Variants in BACH2 observed in about 807,000 individuals in gnomAD.
BACH2 encodes transcription regulator protein BACH2.
A neutral mutation model predicts 61.8 loss-of-function variants in BACH2; 5 were observed. The observed-to-expected ratio is 0.08, with a 90% confidence interval of 0.04 to 0.17. The LOEUF is 0.17. BACH2 is among the 10% of genes least tolerant of loss of function. The probability of loss-of-function intolerance (pLI) is 1.00; values close to 1 mark genes in which losing one functional copy is unlikely to be tolerated. For missense variants in BACH2, 824 were observed against 1,091.1 expected, an observed-to-expected ratio of 0.76 and a Z score of 3.45; for synonymous variants, 446 against 440.1, an observed-to-expected ratio of 1.01 and a Z score of -0.17.
intron 5 of BACH2, among the ~76,000 whole-genome samples, chr6:90,056,173 T>A (rs1186980548): frequency 6.6e-6 from 1 of 152,152 alleles, no homozygotes; most frequent in South Asian, 2.1e-4. Context: ...AGACACAGAC[T>A]GGCAAATTGG....
At chr6:90,097,624 T>C (rs941653512) in intron 4 of BACH2, among the ~76,000 whole-genome samples, 3 of 152,220 alleles carry the variant, frequency 2.0e-5, no homozygotes, top group African/African-American at 7.2e-5. Flanking sequence ...TAAGTGGGTT[T>C]TCCTTCTGTA....
At chr6:90,033,827 A>T (rs1779131585) in intron 5 of BACH2, among the ~76,000 whole-genome samples, 1 of 152,210 alleles carries the variant, frequency 6.6e-6, no homozygotes, top group South Asian at 2.1e-4. Flanking sequence ...TCTTTTCAAT[A>T]GAACTCAAGC....
chr6:90,126,950 A>G (rs1231406018), intron 4 of BACH2, among the ~76,000 whole-genome samples: 1 of 152,222 alleles, frequency 6.6e-6, no homozygotes, highest in East Asian at 1.9e-4. Context: ...TTAACTTGAC[A>G]GGGAGGAGGC....
chr6:90,051,886 A>G (rs927319605), intron 5 of BACH2, among the ~76,000 whole-genome samples: 1 of 152,218 alleles, frequency 6.6e-6, no homozygotes, highest in Admixed American at 6.5e-5. Flanking sequence ...TTGATATATC[A>G]TATTTTCATT....
chr6:90,159,298 C>T (rs148331734), intron 4 of BACH2, among the ~76,000 whole-genome samples: 2 of 152,182 alleles, frequency 1.3e-5, no homozygotes, highest in African/African-American at 4.8e-5. Context: ...GTGGAAAAAG[C>T]CAAATACAGT....
Position 89,969,071 on chromosome 6 carries a change from T to C in BACH2, c.244-17209A>G, listed in dbSNP as rs1262170211. ...TAGTCTTTTTTTTTTTTTTTTTTTT[T>C]AGGCTGAGTTTCACTCTTGTTGCCC... is the stretch of plus-strand genomic sequence containing the variant. On this transcript the variant is annotated intron_variant, in intron 6 of 8. Transcript: ENST00000257749. Among the ~76,000 whole-genome samples the C allele has an allele frequency of 2.6e-3, 382 of 149,630 alleles. 3 individuals carry two copies. Among genetic ancestry groups the C allele is most frequent in the African/African-American group, 8.5e-3 (343 of 40,542 alleles).
intron 4 of BACH2, among the ~76,000 whole-genome samples, chr6:90,108,929 C>T (rs917974271): frequency 2.0e-5 from 3 of 152,104 alleles, no homozygotes; most frequent in African/African-American, 7.2e-5. Context: ...GATCCCATCC[C>T]CTCTCTCTCA....
rs966899343 is a variant in BACH2 at position 90,296,805 on chromosome 6, T to TG, written c.-772dup. ...CGGCCGCTGCTGCCGCTGCTGCTGC[T>TG]GCTGCTGCTGCTGAGGCGGCGGCGG... On this transcript the variant is annotated 5_prime_UTR_variant, in exon 1 of 9. Coordinates refer to ENST00000257749, the MANE Select transcript of BACH2 (RefSeq NM_021813.4). 29 of 176,748 alleles carry TG rather than the reference T, an allele frequency of 1.6e-4. No homozygotes were observed. Among genetic ancestry groups the TG allele is most frequent in the African/African-American group, 6.5e-4 (27 of 41,686 alleles). 10.9% of individuals were successfully genotyped at this position (176,748 alleles called of 1,614,324 possible). A position where few individuals can be genotyped will look rare whatever the true frequency, so the allele number is the denominator to read the frequency against.
chr6:90,080,506 A>G lies in BACH2; in HGVS notation c.-13+8455T>C, dbSNP rs145563277. 6.3e-3 allele frequency among the ~76,000 whole-genome samples: 952 copies of G among 152,288 alleles called. 3 individuals are homozygous for G. The highest frequency in any genetic ancestry group is 0.011 in the Non-Finnish European group (753 of 68,002). The stretch of plus-strand genomic sequence containing the variant: ...CAAATAATAAAAACAAAATTGATGA[A>G]GAGGATATTTGCCAGGGGCACAGAG... On this transcript the variant is annotated intron_variant, in intron 5 of 8. Transcript: ENST00000257749.
intron 3 of BACH2, among the ~76,000 whole-genome samples, chr6:90,251,983 G>C (rs1770827058): frequency 6.6e-6 from 1 of 152,098 alleles, no homozygotes; most frequent in South Asian, 2.1e-4. Flanking sequence ...GAGAAGGAAG[G>C]AAGAAAGAAA....
intron 6 of BACH2, among the ~76,000 whole-genome samples, chr6:89,981,332 AG>A (rs143975032): frequency 0.24 from 36,360 of 151,598 alleles, 4,416 homozygotes; most frequent in Admixed American, 0.32. Flanking sequence ...TACTATAGAC[AG>A]GGTTTCACCG....
chr6:90,190,007 G>T (rs1287642653), intron 4 of BACH2, among the ~76,000 whole-genome samples: 1 of 152,012 alleles, frequency 6.6e-6, no homozygotes, highest in Non-Finnish European at 1.5e-5. Flanking sequence ...GCAACGGCAT[G>T]ATCTCGGCTC....
chr6:90,095,429 C>A (rs1027294586), intron 4 of BACH2, among the ~76,000 whole-genome samples: 2 of 152,066 alleles, frequency 1.3e-5, no homozygotes, highest in South Asian at 2.1e-4. Context: ...GACAGGATGG[C>A]GAACATTAAT....
chr6:89,961,675 A>G (rs564746575), intron 6 of BACH2, among the ~76,000 whole-genome samples: 1 of 152,298 alleles, frequency 6.6e-6, no homozygotes, highest in South Asian at 2.1e-4. Context: ...ATGGTTCTTC[A>G]TGTTAAGTTT....
intron 6 of BACH2, among the ~76,000 whole-genome samples, chr6:89,956,221 T>C (rs986757616): frequency 2.6e-5 from 4 of 152,216 alleles, no homozygotes; most frequent in Admixed American, 2.6e-4. Flanking sequence ...CCTGGTCTCA[T>C]ACTGTGCAAT....
In BACH2 at chr6:90,102,839, TAAA is replaced by T. The variant is rs1554246226; in HGVS notation, c.-161-13733_-161-13731del. Among the ~76,000 whole-genome samples the T allele has an allele frequency of 2.6e-3, 322 of 122,212 alleles. 6 individuals carry two copies. Among genetic ancestry groups the T allele is most frequent in the Admixed American group, 0.024 (276 of 11,488 alleles). 80.2% of individuals were successfully genotyped at this position (122,212 alleles called of 152,430 possible). ...ATAATAATAATAATAATAATAATAATAAAAATAAAAGGACCTTCCATTCAGTTA... is the reference window on the plus strand; with the variant it reads ...ATAATAATAATAATAATAATAATAATAATAAAAGGACCTTCCATTCAGTTA... On this transcript the variant is annotated intron_variant, in intron 4 of 8. Transcript: ENST00000257749.
chr6:90,172,334 A>G (rs1767844652), intron 4 of BACH2, among the ~76,000 whole-genome samples: 1 of 151,456 alleles, frequency 6.6e-6, no homozygotes, highest in African/African-American at 2.4e-5. Context: ...GACATTATAC[A>G]TAACATACAG....
chr6:90,045,852 T>C (rs912581829), intron 5 of BACH2, among the ~76,000 whole-genome samples: 2 of 152,218 alleles, frequency 1.3e-5, no homozygotes, highest in Admixed American at 1.3e-4. Flanking sequence ...TTTTGCTTTT[T>C]AATCATGAGG....
chr6:90,157,504 A>G (rs1373058874), intron 4 of BACH2, among the ~76,000 whole-genome samples: 2 of 152,196 alleles, frequency 1.3e-5, no homozygotes, highest in Non-Finnish European at 2.9e-5. Flanking sequence ...AGTAAAGCCA[A>G]CCCAGGACTG....
Sources: allele counts gnomAD v4.1 joint callset (sites outside exome capture counted in the v4.1 genomes callset), GRCh38; gene constraint gnomAD v4.1.1; transcripts MANE v1.5; gene names NCBI Gene and HGNC (gene_info 2026-07-23, HGNC 2026-07-21).